BST2: variants seen among roughly 807,000 people sequenced by gnomAD.
BST2 encodes bone marrow stromal cell antigen 2.
BST2 carries 10 observed loss-of-function variants against 18.6 expected under a neutral mutation model. The observed-to-expected ratio is 0.54, with a 90% CI of 0.33 to 0.91. The LOEUF (loss-of-function observed/expected upper bound fraction) is 0.91. Ranked by LOEUF, BST2 falls within the 40% of genes least tolerant of loss-of-function variation. The pLI, the probability that BST2 is intolerant of heterozygous loss-of-function variation, is 0.02. For missense variants in BST2, 183 were observed against 228.4 expected (o/e 0.80, Z 1.28); for synonymous variants, 75 against 96.8 (o/e 0.77, Z 1.32).
At position 17,405,546 on chromosome 19, in the gene BST2, T is replaced by C. The variant is rs756732924; in HGVS notation, c.30A>G (p.Arg10=). Residue 10 remains arginine, a synonymous_variant, in exon 1 of 5, where the codon AGA becomes AGG. Transcript: ENST00000252593. The part of the protein sequence containing the change: MASTSYDYC[R]VPMEDGDKRC... ...GCTTATCCCCGTCTTCCATGGGCACTCTGCAATAGTCATACGAAGTAGATG... is the reference window on the plus strand; with the variant it reads ...GCTTATCCCCGTCTTCCATGGGCACCCTGCAATAGTCATACGAAGTAGATG... The C allele has an allele frequency of 1.9e-6, 3 of 1,613,360 alleles. No individual in the cohort carries two copies. Among genetic ancestry groups the C allele is most frequent in the Non-Finnish European group, 2.5e-6 (3 of 1,179,836 alleles).
At position 17,404,420 on chromosome 19, in the gene BST2, GGAA is replaced by G; in HGVS notation, c.300_302del (p.Ser101del). The G allele has an allele frequency of 2.5e-6, 4 of 1,613,994 alleles. No homozygotes were observed. The highest frequency in any genetic ancestry group is 3.4e-6 in the Non-Finnish European group (4 of 1,179,998). On this transcript the variant is annotated inframe_deletion, in exon 2 of 5. Coordinates refer to ENST00000252593, the MANE Select transcript of BST2 (RefSeq NM_004335.4). ...GTCCTTGGGCCTTCTCTGCATCCAGGGAAGCCATTAGGGCCATCTAAGAAGAGT... is the reference window on the plus strand; with the variant it reads ...GTCCTTGGGCCTTCTCTGCATCCAGGGCCATTAGGGCCATCTAAGAAGAGT...
chr19:17,404,561 T>C, intron 1 of BST2, 124 bp from the exon 2 acceptor site: 2 of 1,416,236 alleles, frequency 1.4e-6, no homozygotes, highest in South Asian at 2.5e-5. Context: ...CAGGTTTTCT[T>C]CCAACCCTCT....
Position 17,404,414 on chromosome 19 carries a change from A to G in BST2, c.309T>C (p.Asp103=). The change falls in exon 2 of 5, where the codon GAT becomes GAC. Residue 103 remains aspartate (D), a synonymous_variant. Coordinates refer to ENST00000252593, the MANE Select transcript of BST2 (RefSeq NM_004335.4). ...TCTTTTGTCCTTGGGCCTTCTCTGCATCCAGGGAAGCCATTAGGGCCATCT... is the reference window on the plus strand; with the variant it reads ...TCTTTTGTCCTTGGGCCTTCTCTGCGTCCAGGGAAGCCATTAGGGCCATCT... ...HTVMALMASL[D]AEKAQGQKKV... is the part of the protein sequence containing the mutation. 1 of 1,612,172 alleles carries G rather than the reference A, an allele frequency of 6.2e-7. No individual in the cohort carries two copies. Among genetic ancestry groups the G allele is most frequent in the Non-Finnish European group, 8.5e-7 (1 of 1,179,782 alleles).
At chr19:17,404,095 A>T (rs777806905) in intron 3 of BST2, 34 bp downstream of exon 3, 8 of 1,557,280 alleles carry the variant, frequency 5.1e-6, no homozygotes, top group Middle Eastern at 1.7e-4. Context: ...GGAATGTGGC[A>T]GGTGGAGGGT....
chr19:17,404,475 G>A, intron 1 of BST2, 38 bp from the exon 2 acceptor site: 8 of 1,613,896 alleles, frequency 5.0e-6, no homozygotes, highest in Non-Finnish European at 6.8e-6. Flanking sequence ...GGCCTGGGGA[G>A]TTTGGCTGCT....
chr19:17,404,202 G>C lies in BST2; in HGVS notation c.353-13C>G. 1 of 1,602,264 alleles carries C rather than the reference G, an allele frequency of 6.2e-7. No individual in the cohort carries two copies. Among genetic ancestry groups the C allele is most frequent in the South Asian group, 1.1e-5 (1 of 89,880 alleles). ...GTAGTGATCTCTCCTGGTAGGGTGGGAGGACAGAAACAGGGGGCGGGTCAG... is the reference window on the plus strand; with the variant it reads ...GTAGTGATCTCTCCTGGTAGGGTGGCAGGACAGAAACAGGGGGCGGGTCAG... On this transcript the variant is annotated splice_polypyrimidine_tract_variant and intron_variant, in intron 2 of 4. Coordinates refer to ENST00000252593, the MANE Select transcript of BST2 (RefSeq NM_004335.4).
In BST2 at chr19:17,403,270, G is replaced by A. The variant is rs2074706413; in HGVS notation, c.*72C>T. 1 of 1,040,502 alleles carries A rather than the reference G, an allele frequency of 9.6e-7. No homozygotes were observed. The highest frequency in any genetic ancestry group is 1.0e-4 in the East Asian group (1 of 10,002). 64.5% of individuals were successfully genotyped at this position (1,040,502 alleles called of 1,614,324 possible). ...GCCCCATGACCCGCTCAGAACTGATGAGATCAAGGGAATGTTCAAGCGAAA... is the reference window on the plus strand; with the variant it reads ...GCCCCATGACCCGCTCAGAACTGATAAGATCAAGGGAATGTTCAAGCGAAA... On this transcript the variant is annotated 3_prime_UTR_variant, in exon 5 of 5. Coordinates refer to ENST00000252593, the MANE Select transcript of BST2 (RefSeq NM_004335.4).
chr19:17,403,415 G>A (rs1416443508), intron 4 of BST2, 89 bp from the exon 5 acceptor site: 2 of 804,008 alleles, frequency 2.5e-6, no homozygotes, highest in South Asian at 6.1e-5. Flanking sequence ...CGCCCCCATC[G>A]CTAGACCCGC....
At position 17,405,181 on chromosome 19, in the gene BST2, A is replaced by G. The variant is rs370923889; in HGVS notation, c.285+110T>C. On this transcript the variant is annotated intron_variant, in intron 1 of 4. Transcript: ENST00000252593. ...GTGGGGGCCCAGGAGCAGTTTCAGG[A>G]CCTCCCCTGCATCTCCCTGGAGACC... 7,718 of 1,364,916 alleles carry G rather than the reference A, an allele frequency of 5.7e-3. 449 individuals carry two copies. The South Asian group carries it at 0.11, about 19-fold the overall frequency. 84.6% of individuals were successfully genotyped at this position (1,364,916 alleles called of 1,614,324 possible). A position where few individuals can be genotyped will look rare whatever the true frequency, so the allele number is the denominator to read the frequency against.
intron 4 of BST2, among the ~76,000 whole-genome samples, 177 bp from the exon 5 acceptor site, chr19:17,403,503 C>G (rs1170150820): frequency 6.7e-6 from 1 of 149,102 alleles, no homozygotes; most frequent in African/African-American, 2.5e-5. Context: ...AGCTATCAGC[C>G]CGTCCCCGAT....
At position 17,405,582 on chromosome 19, in the gene BST2, C is replaced by T. The variant is rs1365074910; in HGVS notation, c.-7G>A. ...CATACGAAGTAGATGCCATCCAGAT[C>T]TCCCCTTTAGAGTCTGGCCTGGAGT... On this transcript the variant is annotated 5_prime_UTR_variant, in exon 1 of 5. Transcript: ENST00000252593. The T allele has an allele frequency of 2.2e-6, 3 of 1,337,428 alleles. No individual in the cohort carries two copies. Among genetic ancestry groups the T allele is most frequent in the Non-Finnish European group, 3.0e-6 (3 of 1,002,964 alleles). 82.8% of individuals were successfully genotyped at this position (1,337,428 alleles called of 1,614,324 possible).
rs775033892 is a variant in BST2 at position 17,405,512 on chromosome 19, G to A, written c.64C>T (p.Leu22Phe). Reference sequence around the variant, plus strand: ...ACCAGAATTCCTATCCCCAGCAGAAGCTTACAGCGCTTATCCCCGTCTTCC... The same window carrying A: ...ACCAGAATTCCTATCCCCAGCAGAAACTTACAGCGCTTATCCCCGTCTTCC... Reference protein sequence around the residue: ...PMEDGDKRCKLLLGIGILVLL... With the variant: ...PMEDGDKRCKFLLGIGILVLL... Residue 22 changes from leucine (L) to phenylalanine (F), a missense_variant, in exon 1 of 5, where the codon CTT (leucine) becomes TTT (phenylalanine). Transcript: ENST00000252593. 2.2e-5 allele frequency: 35 copies of A among 1,614,228 alleles called. 1 individual carries two copies. In the Admixed American group the frequency reaches 2.3e-4, roughly 11 times the overall value.
At position 17,404,152 on chromosome 19, in the gene BST2, C is replaced by T. The variant is rs1243254555; in HGVS notation, c.390G>A (p.Ala130=). The T allele has an allele frequency of 5.6e-6, 9 of 1,597,534 alleles. No individual in the cohort carries two copies. Among genetic ancestry groups the T allele is most frequent in the Admixed American group, 3.5e-5 (2 of 57,520 alleles). ...ACCTCAGTCGCTCCACCTCTGCAGA[C>T]GCGTCCTGAAGCTTATGGTTTAATG... is the stretch of plus-strand genomic sequence containing the variant. ...ITTLNHKLQD[A]SAEVERLRRE... The change falls in exon 3 of 5, where the codon GCG becomes GCA. Residue 130 remains alanine (A), a synonymous_variant. Transcript: ENST00000252593.
At position 17,405,584 on chromosome 19, in the gene BST2, C is replaced by T; in HGVS notation, c.-9G>A. On this transcript the variant is annotated 5_prime_UTR_variant, in exon 1 of 5. Coordinates refer to ENST00000252593, the MANE Select transcript of BST2 (RefSeq NM_004335.4). Reference sequence around the variant, plus strand: ...TACGAAGTAGATGCCATCCAGATCTCCCCTTTAGAGTCTGGCCTGGAGTTA... The same window carrying T: ...TACGAAGTAGATGCCATCCAGATCTTCCCTTTAGAGTCTGGCCTGGAGTTA... The T allele has an allele frequency of 8.4e-7, 1 of 1,188,980 alleles. No homozygotes were observed. Among genetic ancestry groups the T allele is most frequent in the Non-Finnish European group, 1.1e-6 (1 of 894,882 alleles). The allele number at this position is 1,188,980 out of a possible 1,614,324, so 73.7% of individuals were successfully genotyped here.
chr19:17,405,101 C>T (rs2074718500), intron 1 of BST2, among the ~76,000 whole-genome samples, 190 bp downstream of exon 1: 1 of 152,182 alleles, frequency 6.6e-6, no homozygotes, highest in Admixed American at 6.5e-5. Flanking sequence ...ACACCAGTGC[C>T]CTGGACTGGG....
In BST2 at chr19:17,403,675, C is replaced by A; in HGVS notation, c.*15+5G>T. ...CCCTCCCGGGGCCGCCCCCTCCTCA[C>A]TGACCAGCTTCCTGGGATCTCACTG... On this transcript the variant is annotated splice_donor_5th_base_variant and intron_variant, in intron 4 of 4. Transcript: ENST00000252593. 6.2e-7 allele frequency: 1 copy of A among 1,609,914 alleles called. No homozygotes were observed. Among genetic ancestry groups the A allele is most frequent in the Non-Finnish European group, 8.5e-7 (1 of 1,179,640 alleles).
intron 4 of BST2, 144 bp from the exon 5 acceptor site, chr19:17,403,470 C>G: frequency 6.4e-6 from 5 of 781,662 alleles, no homozygotes; most frequent in Non-Finnish European, 8.2e-6. Context: ...AGACCCGCCC[C>G]CATTGATAGC....
chr19:17,403,888 C>T, intron 3 of BST2, 64 bp from the exon 4 acceptor site: 1 of 1,568,720 alleles, frequency 6.4e-7, no homozygotes, highest in Non-Finnish European at 8.6e-7. Flanking sequence ...CCCTGTAAGC[C>T]CACCGCCCCC....
In BST2 at chr19:17,405,392, C is replaced by G; in HGVS notation, c.184G>C (p.Glu62Gln). Residue 62 changes from glutamate (E) to glutamine (Q), a missense_variant, in exon 1 of 5, where the codon GAG becomes CAG. Glu to Gln is a conservative substitution (Grantham distance 29). Transcript: ENST00000252593. The stretch of plus-strand genomic sequence containing the variant: ...AGGAGATGGGTGACATTGCGACACT[C>G]CATCACTGCCCGAAGGCCGTCCCGG... ...ACRDGLRAVM[E>Q]CRNVTHLLQQ... 6.2e-7 allele frequency: 1 copy of G among 1,614,262 alleles called. No individual in the cohort carries two copies. Among genetic ancestry groups the G allele is most frequent in the Non-Finnish European group, 8.5e-7 (1 of 1,180,050 alleles).
Sources: gnomAD v4.1 joint callset for allele counts (sites outside exome capture counted in the v4.1 genomes callset) on GRCh38, gnomAD v4.1.1 for gene constraint, MANE v1.5 for transcripts, NCBI Gene and HGNC (gene_info 2026-07-23, HGNC 2026-07-21) for gene names.